PTPRN2: variants seen among roughly 807,000 people sequenced by gnomAD.
PTPRN2 encodes protein tyrosine phosphatase receptor type N2.
Under a neutral mutation model 118.8 loss-of-function variants are expected in PTPRN2, and 74 were observed. The ratio of observed to expected loss-of-function variants is 0.62; its 90% CI spans 0.52 to 0.76. The LOEUF (loss-of-function observed/expected upper bound fraction) is 0.76, where lower values mean the gene tolerates loss of function less well. Ranked by LOEUF, PTPRN2 falls within the 30% of genes least tolerant of loss-of-function variation. The probability of loss-of-function intolerance (pLI) is 0.00; values close to 1 mark genes in which losing one functional copy is unlikely to be tolerated. For missense variants in PTPRN2, 1,481 were observed against 1,394.4 expected (o/e 1.06, Z -0.99); for synonymous variants, 641 against 608.0 (o/e 1.05, Z -0.80).
intron 16 of PTPRN2, among the ~76,000 whole-genome samples, chr7:157,599,327 A>T (rs1170963872): frequency 6.6e-6 from 1 of 152,198 alleles, no homozygotes; most frequent in African/African-American, 2.4e-5. Context: ...TTAAAATAAA[A>T]ATAAAGCCCA....
intron 3 of PTPRN2, among the ~76,000 whole-genome samples, chr7:158,238,405 G>A (rs1010731925): frequency 1.3e-5 from 2 of 152,064 alleles, no homozygotes; most frequent in South Asian, 2.1e-4. Context: ...CGAGACGCGG[G>A]GCACAGGAAG....
intron 2 of PTPRN2, among the ~76,000 whole-genome samples, chr7:158,445,423 T>A (rs1014850522): frequency 6.6e-6 from 1 of 152,106 alleles, no homozygotes; most frequent in Admixed American, 6.5e-5. Flanking sequence ...GCAGCCTCCA[T>A]CGCAGGTGGT....
intron 5 of PTPRN2, among the ~76,000 whole-genome samples, chr7:158,171,032 T>C (rs543041539): frequency 7.0e-6 from 1 of 143,470 alleles, no homozygotes; most frequent in East Asian, 2.0e-4. Flanking sequence ...TATACACATA[T>C]ATATACACAT....
At chr7:158,306,808 G>C (rs1462220120) in intron 3 of PTPRN2, among the ~76,000 whole-genome samples, 1 of 151,298 alleles carries the variant, frequency 6.6e-6, no homozygotes, top group Non-Finnish European at 1.5e-5. Flanking sequence ...TGTTCTTGGG[G>C]AAGCCAAATG....
chr7:158,480,338 G>A (rs1820565800), intron 2 of PTPRN2, among the ~76,000 whole-genome samples: 1 of 152,174 alleles, frequency 6.6e-6, no homozygotes, highest in Admixed American at 6.5e-5. Context: ...AGAAGACAGT[G>A]AGCATAACTG....
intron 2 of PTPRN2, among the ~76,000 whole-genome samples, chr7:158,388,682 T>A (rs545878944): frequency 6.6e-6 from 1 of 152,224 alleles, no homozygotes; most frequent in East Asian, 1.9e-4. Flanking sequence ...CATTGGTGAT[T>A]AACCCCCCAA....
chr7:157,929,666 C>A lies in PTPRN2; in HGVS notation c.1724-30929G>T, dbSNP rs114136286. ...CAATCCTCTGATCTCCATTCACCAG[C>A]CTCCTCTGTCTCTACTGTAAGACTT... On this transcript the variant is annotated intron_variant, in intron 11 of 22. Transcript: ENST00000389418. The surrounding 1 kb of genome is among the most constrained non-coding windows in gnomAD (Gnocchi z 4.4). 6.5e-3 allele frequency among the ~76,000 whole-genome samples: 985 copies of A among 152,206 alleles called. 21 individuals are homozygous for A. The highest frequency in any genetic ancestry group is 0.023 in the African/African-American group (944 of 41,528).
intron 12 of PTPRN2, among the ~76,000 whole-genome samples, chr7:157,687,810 C>T (rs1797269400): frequency 6.6e-6 from 1 of 152,118 alleles, no homozygotes; most frequent in East Asian, 1.9e-4. Context: ...CTTGAAAACA[C>T]GGGGGAAGGG....
chr7:157,604,042 T>A lies in PTPRN2; in HGVS notation c.2378A>T (p.Asn793Ile). 6.2e-7 allele frequency: 1 copy of A among 1,613,830 alleles called. No homozygotes were observed. Among genetic ancestry groups the A allele is most frequent in the South Asian group, 1.1e-5 (1 of 91,076 alleles). Reference sequence around the variant, plus strand: ...GATGTAGTCTGAGTGGCTGTGGCTGTTCTCCGCCTTCAGCAGGACCCGGGA... The same window carrying A: ...GATGTAGTCTGAGTGGCTGTGGCTGATCTCCGCCTTCAGCAGGACCCGGGA... Reference protein sequence around the residue: ...DHSRVLLKAENSHSHSDYINA... With the variant: ...DHSRVLLKAEISHSHSDYINA... Residue 793 changes from asparagine (N) to isoleucine (I), a missense_variant, in exon 16 of 23, where the codon AAC (asparagine) becomes ATC (isoleucine). Asn to Ile is a moderately radical substitution (Grantham distance 149, BLOSUM62 -3). Coordinates refer to ENST00000389418, the MANE Select transcript of PTPRN2 (RefSeq NM_002847.5).
chr7:158,461,046 T>C (rs771733664), intron 2 of PTPRN2, among the ~76,000 whole-genome samples: 2 of 152,132 alleles, frequency 1.3e-5, no homozygotes, highest in South Asian at 2.1e-4. Flanking sequence ...TGCAGAGAAA[T>C]AACAGCTCTT....
intron 3 of PTPRN2, among the ~76,000 whole-genome samples, chr7:158,259,616 T>C (rs1440516373): frequency 1.3e-5 from 2 of 152,190 alleles, no homozygotes; most frequent in Admixed American, 6.5e-5. Flanking sequence ...TCCCACCTGC[T>C]CCCACTCCTC....
At chr7:158,338,091 A>G (rs1239778642) in intron 2 of PTPRN2, among the ~76,000 whole-genome samples, 7 of 7,358 alleles carry the variant, frequency 9.5e-4, no homozygotes, top group African/African-American at 1.6e-3. Flanking sequence ...TCTCACCATA[A>G]GAGGTGATGC....
intron 6 of PTPRN2, 46 bp downstream of exon 6, chr7:158,166,885 C>G (rs745437527): frequency 2.8e-5 from 40 of 1,418,842 alleles, no homozygotes; most frequent in Middle Eastern, 2.6e-4. Flanking sequence ...AGGGGCTGGA[C>G]AGAGGACAGT....
intron 11 of PTPRN2, among the ~76,000 whole-genome samples, chr7:157,922,216 A>T (rs1366827662): frequency 6.6e-6 from 1 of 152,050 alleles, no homozygotes; most frequent in Non-Finnish European, 1.5e-5. Flanking sequence ...TTATTTTCTG[A>T]CTCTACTGAC....
At chr7:158,403,370 G>GC (rs1297918985) in intron 2 of PTPRN2, among the ~76,000 whole-genome samples, 1 of 152,240 alleles carries the variant, frequency 6.6e-6, no homozygotes, top group Non-Finnish European at 1.5e-5. Context: ...CAGGCTGCAG[G>GC]CAGGAGTGGC....
intron 12 of PTPRN2, among the ~76,000 whole-genome samples, chr7:157,872,634 G>A (rs77930518): frequency 1.3e-5 from 2 of 152,256 alleles, no homozygotes; most frequent in Admixed American, 6.5e-5. Context: ...TTGGTTTCCC[G>A]GTATAACTAA....
At chr7:157,842,393 T>C (rs912655577) in intron 12 of PTPRN2, among the ~76,000 whole-genome samples, 7 of 149,824 alleles carry the variant, frequency 4.7e-5, no homozygotes, top group Admixed American at 2.0e-4. Flanking sequence ...TGCCGCTTTG[T>C]GTGCAGATTC....
chr7:157,546,002 G>A (rs1453192907), intron 22 of PTPRN2, among the ~76,000 whole-genome samples: 5 of 152,168 alleles, frequency 3.3e-5, no homozygotes, highest in Non-Finnish European at 5.9e-5. Context: ...GTTGGGCAGC[G>A]CAGTCACGGA....
At chr7:157,901,121 C>T (rs748239383) in intron 11 of PTPRN2, among the ~76,000 whole-genome samples, 5 of 152,132 alleles carry the variant, frequency 3.3e-5, no homozygotes, top group Non-Finnish European at 7.4e-5. Context: ...CAGGAGAGGG[C>T]GGAGGGAGGG....
Sources: gnomAD v4.1 joint callset for allele counts (sites outside exome capture counted in the v4.1 genomes callset) on GRCh38, gnomAD v4.1.1 for gene constraint, Gnocchi (gnomAD v3.1) non-coding constraint, MANE v1.5 for transcripts, NCBI Gene and HGNC (gene_info 2026-07-23, HGNC 2026-07-21) for gene names.